The following BCKDHB variants were observed in gnomAD, a reference collection of about 807,000 sequenced individuals.
BCKDHB encodes 2-oxoisovalerate dehydrogenase subunit beta, mitochondrial.
A neutral mutation model predicts 48.5 loss-of-function variants in BCKDHB; 41 were observed. The observed-to-expected ratio is 0.85, with a 90% CI of 0.66 to 1.10. The LOEUF (loss-of-function observed/expected upper bound fraction) is 1.10. Ranked by LOEUF, BCKDHB falls within the 50% of genes least tolerant of loss-of-function variation. The pLI, the probability that BCKDHB is intolerant of heterozygous loss-of-function variation, is 0.00. For synonymous variants in BCKDHB, 201 were observed against 174.8 expected (o/e 1.15, Z -1.18); for missense variants, 496 against 494.2 (o/e 1.00, Z -0.03).
intron 3 of BCKDHB, among the ~76,000 whole-genome samples, chr6:80,166,830 A>C (rs908196754): frequency 6.6e-6 from 1 of 152,156 alleles, no homozygotes; most frequent in South Asian, 2.1e-4. Flanking sequence ...TGTTTAATTG[A>C]AAAGGATTTG....
chr6:80,169,161 T>C (rs1439119607), intron 5 of BCKDHB, 131 bp downstream of exon 5: 15 of 1,249,006 alleles, frequency 1.2e-5, no homozygotes, highest in Middle Eastern at 5.5e-4. Flanking sequence ...AACTTAACTG[T>C]ATTTAAGAAG....
At chr6:80,266,654 A>G (rs1272229226) in intron 8 of BCKDHB, among the ~76,000 whole-genome samples, 1 of 152,026 alleles carries the variant, frequency 6.6e-6, no homozygotes, top group African/African-American at 2.4e-5. Flanking sequence ...TGGAATAGGA[A>G]AAAATAGGTG....
the BCKDHB span, among the ~76,000 whole-genome samples, chr6:80,376,012 G>A: frequency 6.6e-6 from 1 of 152,078 alleles, no homozygotes; most frequent in Non-Finnish European, 1.5e-5. Flanking sequence ...CCTTGCCCTA[G>A]GATTACCTTT....
the BCKDHB span, among the ~76,000 whole-genome samples, chr6:80,371,001 A>C: frequency 2.0e-5 from 3 of 152,116 alleles, no homozygotes; most frequent in African/African-American, 7.2e-5. Context: ...CTGGGTAGAT[A>C]CCCAGGAGTG....
chr6:80,123,467 G>T (rs1044639905), intron 1 of BCKDHB, among the ~76,000 whole-genome samples: 2 of 152,194 alleles, frequency 1.3e-5, no homozygotes, highest in Non-Finnish European at 2.9e-5. Context: ...AGAAGGAATG[G>T]TACCAGCAAC....
the BCKDHB span, among the ~76,000 whole-genome samples, chr6:80,352,961 A>G: frequency 6.6e-6 from 1 of 152,320 alleles, no homozygotes; most frequent in African/African-American, 2.4e-5. Context: ...TTACATGCAT[A>G]GCTTGCATAG....
At chr6:80,212,767 G>A (rs1001364796) in intron 8 of BCKDHB, among the ~76,000 whole-genome samples, 1 of 152,116 alleles carries the variant, frequency 6.6e-6, no homozygotes, top group African/African-American at 2.4e-5. Flanking sequence ...CCCTCCATTC[G>A]GGTTCCCTGA....
chr6:80,326,933 A>T (rs1769058504), intron 9 of BCKDHB, among the ~76,000 whole-genome samples: 1 of 152,170 alleles, frequency 6.6e-6, no homozygotes, highest in Non-Finnish European at 1.5e-5. Flanking sequence ...GACAGACTAC[A>T]TGAGAGCCTT....
rs534644623 is a variant in BCKDHB at position 80,170,968 on chromosome 6, T to TA, written c.634-313dup. 1.2e-4 allele frequency among the ~76,000 whole-genome samples: 19 copies of TA among 152,264 alleles called. No homozygotes were observed. In the South Asian group the frequency reaches 3.9e-3, roughly 32 times the overall value. On this transcript the variant is annotated intron_variant, in intron 5 of 9. Transcript: ENST00000320393. ...AAACACAGGTAGATATTAACAATAT[T>TA]ACAGTTTTTTGCTTTGATGAATGAT...
At chr6:80,434,098 G>T in the BCKDHB span, among the ~76,000 whole-genome samples, 32 of 151,878 alleles carry the variant, frequency 2.1e-4, no homozygotes, top group Middle Eastern at 6.8e-3. Context: ...GTTTATATAT[G>T]TATATGTGTC....
chr6:80,305,961 A>C (rs1767852420), intron 9 of BCKDHB, among the ~76,000 whole-genome samples: 1 of 152,118 alleles, frequency 6.6e-6, no homozygotes, highest in Non-Finnish European at 1.5e-5. Flanking sequence ...TCTCAGCACT[A>C]CTTCTTATTT....
At chr6:80,375,475 A>G in the BCKDHB span, among the ~76,000 whole-genome samples, 4 of 151,988 alleles carry the variant, frequency 2.6e-5, no homozygotes, top group Non-Finnish European at 5.9e-5. Context: ...GCACTTCTCT[A>G]AATGTGTCCT....
intron 1 of BCKDHB, among the ~76,000 whole-genome samples, chr6:80,121,730 C>T (rs566651063): frequency 2.0e-5 from 3 of 152,276 alleles, no homozygotes; most frequent in African/African-American, 7.2e-5. Context: ...GCAGAATTTG[C>T]TTATCAGCTT....
intron 3 of BCKDHB, among the ~76,000 whole-genome samples, chr6:80,164,548 T>C (rs1286247511): frequency 6.6e-6 from 1 of 152,242 alleles, no homozygotes; most frequent in East Asian, 1.9e-4. Flanking sequence ...ATTGCATTTC[T>C]TGTGACTAGA....
chr6:80,461,788 C>G, the BCKDHB span, among the ~76,000 whole-genome samples: 12 of 152,112 alleles, frequency 7.9e-5, no homozygotes, highest in Non-Finnish European at 1.5e-5. Flanking sequence ...TTGTTGGTCT[C>G]ATTGTTTGTC....
intron 1 of BCKDHB, among the ~76,000 whole-genome samples, chr6:80,107,124 T>C (rs1769115616): frequency 6.6e-6 from 1 of 151,410 alleles, no homozygotes; most frequent in Admixed American, 6.6e-5. Flanking sequence ...TTGAGATGGG[T>C]GAGAGGGCAT....
the BCKDHB span, among the ~76,000 whole-genome samples, chr6:80,417,969 A>C: frequency 6.6e-6 from 1 of 152,180 alleles, no homozygotes. Flanking sequence ...CAGGGACACC[A>C]ATGAGTCTTA....
chr6:80,409,002 G>A, the BCKDHB span, among the ~76,000 whole-genome samples: 19 of 151,772 alleles, frequency 1.3e-4, no homozygotes, highest in Non-Finnish European at 2.2e-4. Context: ...TTTCTTTTGC[G>A]GGCATTTAGT....
chr6:80,318,458 A>C (rs1279649321), intron 9 of BCKDHB, among the ~76,000 whole-genome samples: 2 of 152,100 alleles, frequency 1.3e-5, no homozygotes, highest in Non-Finnish European at 2.9e-5. Context: ...AGGCCAAGGC[A>C]AGTGGATCAC....
Sources: gnomAD v4.1 joint callset for allele counts (sites outside exome capture counted in the v4.1 genomes callset) on GRCh38, gnomAD v4.1.1 for gene constraint, MANE v1.5 for transcripts, NCBI Gene and HGNC (gene_info 2026-07-23, HGNC 2026-07-21) for gene names.